The following SCML4 variants were observed in gnomAD, a reference collection of about 807,000 sequenced individuals.
SCML4 encodes sex comb on midleg-like protein 4.
Under a neutral mutation model 41.1 loss-of-function variants are expected in SCML4, and 34 were observed. That is an observed-to-expected ratio of 0.83 (90% CI 0.63 to 1.10). SCML4 has a LOEUF of 1.10. Ranked by LOEUF, SCML4 falls within the 50% of genes least tolerant of loss-of-function variation. The probability of loss-of-function intolerance (pLI) is 0.00; values close to 1 mark genes in which losing one functional copy is unlikely to be tolerated. For synonymous variants in SCML4, 214 were observed against 220.9 expected (o/e 0.97, Z 0.28); for missense variants, 522 against 534.1 (o/e 0.98, Z 0.22).
chr6:107,822,072 T>C (rs9486727), intron 1 of SCML4, among the ~76,000 whole-genome samples: 13,881 of 152,254 alleles, frequency 0.091, 2,121 homozygotes, highest in African/African-American at 0.32. Flanking sequence ...GATCCAAAAT[T>C]GAGATTAAAA....
chr6:107,715,126 C>T (rs1303859883), intron 6 of SCML4, among the ~76,000 whole-genome samples: 5 of 149,842 alleles, frequency 3.3e-5, no homozygotes, highest in African/African-American at 5.0e-5. Context: ...AGGCATGTGC[C>T]GCCACACCCA....
chr6:107,835,565 C>A, the SCML4 span, among the ~76,000 whole-genome samples: 2 of 151,674 alleles, frequency 1.3e-5, no homozygotes, highest in Non-Finnish European at 2.9e-5. Flanking sequence ...CATAGCGAGA[C>A]CTTGTCTCTA....
chr6:107,802,676 C>A (rs1278002230), intron 1 of SCML4, among the ~76,000 whole-genome samples: 1 of 2,624 alleles, frequency 3.8e-4, no homozygotes, highest in South Asian at 0.062. Context: ...TCTCCCTCCT[C>A]TCCCTCTCCC....
intron 2 of SCML4, among the ~76,000 whole-genome samples, chr6:107,768,692 A>G (rs917383151): frequency 3.3e-5 from 5 of 152,226 alleles, no homozygotes; most frequent in Non-Finnish European, 7.3e-5. Context: ...AGAAATACAC[A>G]CAAAATGCTT....
At chr6:107,735,822 T>C (rs1367194988) in intron 5 of SCML4, among the ~76,000 whole-genome samples, 2 of 151,528 alleles carry the variant, frequency 1.3e-5, no homozygotes, top group Admixed American at 6.6e-5. Context: ...AAAATTATCA[T>C]CTTTACCATT....
intron 1 of SCML4, among the ~76,000 whole-genome samples, chr6:107,815,759 A>C (rs1422848157): frequency 1.3e-5 from 2 of 152,200 alleles, no homozygotes; most frequent in East Asian, 3.8e-4. Flanking sequence ...ATTTTTCTTA[A>C]AAATTATGGG....
chr6:107,822,104 T>C (rs993864567), intron 1 of SCML4, among the ~76,000 whole-genome samples: 1 of 152,072 alleles, frequency 6.6e-6, no homozygotes, highest in African/African-American at 2.4e-5. Flanking sequence ...GCAGAGATGA[T>C]TTTCTCATCA....
intron 5 of SCML4, among the ~76,000 whole-genome samples, chr6:107,739,605 T>G (rs1777395548): frequency 1.3e-5 from 2 of 152,132 alleles, no homozygotes. Flanking sequence ...CTTACAATCC[T>G]GTTCGGGAAC....
chr6:107,770,307 A>T (rs1780415567), intron 2 of SCML4, among the ~76,000 whole-genome samples: 1 of 152,124 alleles, frequency 6.6e-6, no homozygotes, highest in East Asian at 1.9e-4. Flanking sequence ...AGAATAAAGG[A>T]TCATCCTTTA....
intron 2 of SCML4, chr6:107,755,500 G>T: frequency 1.6e-6 from 1 of 613,132 alleles, no homozygotes; most frequent in Non-Finnish European, 2.3e-6. Flanking sequence ...AAAAAGAAGA[G>T]CACGGATATG....
chr6:107,767,838 A>T (rs1419829977), intron 2 of SCML4, among the ~76,000 whole-genome samples: 1 of 152,092 alleles, frequency 6.6e-6, no homozygotes, highest in Non-Finnish European at 1.5e-5. Flanking sequence ...TGACTTCGAG[A>T]ATTGAGCCCT....
the SCML4 span, among the ~76,000 whole-genome samples, chr6:107,839,493 C>T: frequency 1.3e-5 from 2 of 151,898 alleles, no homozygotes; most frequent in African/African-American, 4.8e-5. Flanking sequence ...GAAGAACCAA[C>T]TAAAAACATG....
At chr6:107,762,715 G>A (rs1047568499) in intron 2 of SCML4, among the ~76,000 whole-genome samples, 1 of 152,008 alleles carries the variant, frequency 6.6e-6, no homozygotes, top group African/African-American at 2.4e-5. Flanking sequence ...CTGGGAGAGA[G>A]ACATGGAACA....
In SCML4 at chr6:107,705,046, G is replaced by T; in HGVS notation, c.*154C>A. 1.3e-6 allele frequency: 1 copy of T among 771,466 alleles called. No individual in the cohort carries two copies. The highest frequency in any genetic ancestry group is 2.1e-6 in the Non-Finnish European group (1 of 466,706). The allele number at this position is 771,466 out of a possible 1,614,324, so 47.8% of individuals were successfully genotyped here. On this transcript the variant is annotated 3_prime_UTR_variant, in exon 8 of 8. Transcript: ENST00000369020. ...AGGTCCATGTTAAATTCTTCAAAAG[G>T]CAAAGATTCACAAGTTTTATAAAAA...
In SCML4 at chr6:107,816,076, A is replaced by G. The variant is rs183301168; in HGVS notation, c.-60+8050T>C. ...GACACGGACGCCCCGGCCACTGCTC[A>G]AACCAAAGGAGGAAAGACTCACAGA... On this transcript the variant is annotated intron_variant, in intron 1 of 7. Transcript: ENST00000369020. Among the ~76,000 whole-genome samples, 489 of 152,320 alleles carry G rather than the reference A, an allele frequency of 3.2e-3. 2 individuals carry two copies. Among genetic ancestry groups the G allele is most frequent in the African/African-American group, 0.011 (469 of 41,572 alleles).
intron 2 of SCML4, among the ~76,000 whole-genome samples, chr6:107,763,763 G>A (rs1779812115): frequency 6.6e-6 from 1 of 152,216 alleles, no homozygotes; most frequent in Non-Finnish European, 1.5e-5. Flanking sequence ...GACACAGTAA[G>A]AAGGCAGCCA....
chr6:107,802,075 C>A (rs1285930157), intron 1 of SCML4, among the ~76,000 whole-genome samples: 3 of 152,102 alleles, frequency 2.0e-5, no homozygotes, highest in Non-Finnish European at 4.4e-5. Flanking sequence ...CCGGCCTATT[C>A]ATTTCTTTAC....
intron 5 of SCML4, among the ~76,000 whole-genome samples, chr6:107,733,444 C>T (rs1189112194): frequency 1.3e-5 from 2 of 152,276 alleles, no homozygotes; most frequent in Admixed American, 6.5e-5. Flanking sequence ...GAATGAAACA[C>T]AGAAAGCACC....
At chr6:107,838,897 G>A in the SCML4 span, among the ~76,000 whole-genome samples, 1 of 152,144 alleles carries the variant, frequency 6.6e-6, no homozygotes. Flanking sequence ...AGGGTAGAAT[G>A]AGGCATTCAA....
Sources: allele counts gnomAD v4.1 joint callset (sites outside exome capture counted in the v4.1 genomes callset), GRCh38; gene constraint gnomAD v4.1.1; transcripts MANE v1.5; gene names NCBI Gene and HGNC (gene_info 2026-07-23, HGNC 2026-07-21).